The following EBPL variants were observed in gnomAD, a reference collection of about 807,000 sequenced individuals.
EBPL encodes EBP like, also known as emopamil-binding protein-like.
EBPL carries 20 observed loss-of-function variants against 19.0 expected under a neutral mutation model. The ratio of observed to expected loss-of-function variants is 1.05; its 90% CI spans 0.74 to 1.53. The LOEUF (loss-of-function observed/expected upper bound fraction) is 1.53, where lower values mean the gene tolerates loss of function less well. Among genes scored for constraint, EBPL ranks in the 40% most tolerant of loss-of-function variants. The pLI is 0.00. For synonymous variants in EBPL, 107 were observed against 117.0 expected (o/e 0.91, Z 0.55); for missense variants, 219 against 261.1 (o/e 0.84, Z 1.11).
chr13:49,675,330 CA>C lies in EBPL; in HGVS notation c.172-5485del, dbSNP rs1250427761. On this transcript the variant is annotated intron_variant, in intron 1 of 3. Transcript: ENST00000242827. ...AATGCACTGCACTACAACATTATGA[CA>C]GCTATGATGTCTCTAGACAATAGGA... is the stretch of plus-strand genomic sequence containing the variant. 2.0e-5 allele frequency among the ~76,000 whole-genome samples: 3 copies of C among 152,358 alleles called. No homozygotes were observed. The East Asian group carries it at 5.8e-4, about 29-fold the overall frequency.
At chr13:49,678,738 G>A (rs1039250103) in intron 1 of EBPL, among the ~76,000 whole-genome samples, 2 of 152,128 alleles carry the variant, frequency 1.3e-5, no homozygotes, top group African/African-American at 2.4e-5. Context: ...CAGTGCAGCC[G>A]CGGGCTGAAG....
At chr13:49,662,960 C>A (rs57588785) in intron 3 of EBPL, 97 bp downstream of exon 3, 220,007 of 1,473,636 alleles carry the variant, frequency 0.15, 17,574 homozygotes, top group South Asian at 0.24. Flanking sequence ...TTTTATCTAA[C>A]AAATATATGT....
intron 1 of EBPL, among the ~76,000 whole-genome samples, chr13:49,689,372 TAG>T (rs1421359804): frequency 2.6e-5 from 4 of 152,156 alleles, no homozygotes; most frequent in African/African-American, 9.7e-5. Context: ...TTTCCCAAGA[TAG>T]AGTCTTGCTC....
intron 3 of EBPL, chr13:49,662,056 C>T (rs977153806): frequency 2.4e-5 from 20 of 826,720 alleles, no homozygotes; most frequent in Non-Finnish European, 3.3e-5. Context: ...TGCAGTGGCA[C>T]GAACGTGGCT....
At chr13:49,682,375 G>T (rs1384628147) in intron 1 of EBPL, among the ~76,000 whole-genome samples, 1 of 152,192 alleles carries the variant, frequency 6.6e-6, no homozygotes, top group Non-Finnish European at 1.5e-5. Context: ...ACCTTCCAAG[G>T]CTCATCTTAA....
intron 1 of EBPL, 72 bp from the exon 2 acceptor site, chr13:49,669,918 C>T: frequency 8.5e-7 from 1 of 1,181,246 alleles, no homozygotes. Context: ...AGACACATGG[C>T]ATTGCCTGGC....
At chr13:49,676,366 C>T (rs9596167) in intron 1 of EBPL, among the ~76,000 whole-genome samples, 24,952 of 151,942 alleles carry the variant, frequency 0.16, 2,219 homozygotes, top group South Asian at 0.26. Context: ...CTGAGGCGGA[C>T]GGACCACAAG....
intron 1 of EBPL, among the ~76,000 whole-genome samples, chr13:49,682,813 A>C (rs570451679): frequency 3.9e-5 from 6 of 152,266 alleles, no homozygotes; most frequent in African/African-American, 1.2e-4. Flanking sequence ...CAAGTTTCTG[A>C]GCTGGTCATC....
Position 49,669,850 on chromosome 13 carries a change from G to A in EBPL, c.172-4C>T. ...ACAAGTAGACAAAAGGGCCTTCCTA[G>A]AGAGGAGAAAATGAAGACATGCTCT... On this transcript the variant is annotated splice_region_variant and splice_polypyrimidine_tract_variant and intron_variant, in intron 1 of 3. Coordinates refer to ENST00000242827, the MANE Select transcript of EBPL (RefSeq NM_032565.5). 1 of 1,612,144 alleles carries A rather than the reference G, an allele frequency of 6.2e-7. No homozygotes were observed. The highest frequency in any genetic ancestry group is 8.5e-7 in the Non-Finnish European group (1 of 1,178,380).
intron 1 of EBPL, among the ~76,000 whole-genome samples, chr13:49,674,509 A>T (rs554270956): frequency 1.1e-3 from 175 of 152,304 alleles, no homozygotes; most frequent in Admixed American, 2.7e-3. Context: ...GTGAATCTAC[A>T]ATTACCTCAA....
intron 2 of EBPL, chr13:49,668,698 A>C (rs934377471): frequency 3.0e-5 from 11 of 361,304 alleles, no homozygotes; most frequent in Non-Finnish European, 5.3e-5. Flanking sequence ...TGGTATTGAC[A>C]CAGTACATGG....
rs746289239 is a variant in EBPL, at chr13:49,660,962, G to C, written c.*6C>G. On this transcript the variant is annotated 3_prime_UTR_variant, in exon 4 of 4. Transcript: ENST00000242827. ...GTTAGATAATGGTGTTTATGGTTTTGAAAGTTCACTGAAACTTCTTCACTG... is the reference window on the plus strand; with the variant it reads ...GTTAGATAATGGTGTTTATGGTTTTCAAAGTTCACTGAAACTTCTTCACTG... The C allele has an allele frequency of 6.2e-7, 1 of 1,603,914 alleles. No individual in the cohort carries two copies. The highest frequency in any genetic ancestry group is 8.5e-7 in the Non-Finnish European group (1 of 1,173,698).
At chr13:49,689,356 C>T (rs1954035055) in intron 1 of EBPL, among the ~76,000 whole-genome samples, 1 of 151,904 alleles carries the variant, frequency 6.6e-6, no homozygotes, top group African/African-American at 2.4e-5. Context: ...AAACATTTTT[C>T]TTTTTTTTCC....
At chr13:49,672,654 G>A (rs1048719379) in intron 1 of EBPL, among the ~76,000 whole-genome samples, 5 of 152,182 alleles carry the variant, frequency 3.3e-5, no homozygotes, top group Non-Finnish European at 5.9e-5. Flanking sequence ...CATCTCACCG[G>A]AAAGTACATA....
chr13:49,676,516 C>T (rs1013858636), intron 1 of EBPL, among the ~76,000 whole-genome samples: 3 of 151,982 alleles, frequency 2.0e-5, no homozygotes, highest in Admixed American at 6.6e-5. Flanking sequence ...GGTGTGAACC[C>T]GGGAGGCGGA....
At position 49,677,738 on chromosome 13, in the gene EBPL, C is replaced by T. The variant is rs190178456; in HGVS notation, c.172-7892G>A. ...AGCCTGGCCAACAGTGAAACTCCTT[C>T]TCTACTAAAAACACAAAATACAAAT... On this transcript the variant is annotated intron_variant, in intron 1 of 3. Coordinates refer to ENST00000242827, the MANE Select transcript of EBPL (RefSeq NM_032565.5). 5.4e-3 allele frequency among the ~76,000 whole-genome samples: 826 copies of T among 152,318 alleles called. 5 individuals are homozygous for T. The highest frequency in any genetic ancestry group is 9.3e-3 in the South Asian group (45 of 4,826).
chr13:49,661,407 G>A (rs576788202), intron 3 of EBPL, among the ~76,000 whole-genome samples, 199 bp from the exon 4 acceptor site: 4 of 152,288 alleles, frequency 2.6e-5, no homozygotes, highest in South Asian at 4.2e-4. Flanking sequence ...TTTCCTTAGA[G>A]GAGCAACACT....
At chr13:49,691,195 G>C in intron 1 of EBPL, 59 bp downstream of exon 1, 1 of 1,260,594 alleles carries the variant, frequency 7.9e-7, no homozygotes, top group Non-Finnish European at 1.0e-6. Context: ...ACCCCGCCTT[G>C]CCGCCCCCGC....
intron 1 of EBPL, among the ~76,000 whole-genome samples, chr13:49,677,467 A>G (rs1460407590): frequency 6.6e-6 from 1 of 152,230 alleles, no homozygotes; most frequent in Non-Finnish European, 1.5e-5. Flanking sequence ...AGAACTCACA[A>G]ATATAAATCA....
Sources: gnomAD v4.1 joint callset for allele counts (sites outside exome capture counted in the v4.1 genomes callset) on GRCh38, gnomAD v4.1.1 for gene constraint, MANE v1.5 for transcripts, NCBI Gene and HGNC (gene_info 2026-07-23, HGNC 2026-07-21) for gene names.